The following PRDM16 variants were observed in gnomAD, a reference collection of about 807,000 sequenced individuals.
PRDM16 encodes the protein histone-lysine N-methyltransferase PRDM16.
A neutral mutation model predicts 110.6 loss-of-function variants in PRDM16; 23 were observed. That is an observed-to-expected ratio of 0.21 (90% CI 0.15 to 0.29). The LOEUF is 0.29. PRDM16 is among the 10% of genes least tolerant of loss of function. The pLI is 1.00. For synonymous variants in PRDM16, 799 were observed against 781.8 expected (o/e 1.02, Z -0.37); for missense variants, 1,615 against 1,794.3 (o/e 0.90, Z 1.81).
In PRDM16 at chr1:3,344,439, A is replaced by C. The variant is rs570611766; in HGVS notation, c.439-40713A>C. 7.6e-4 allele frequency among the ~76,000 whole-genome samples: 115 copies of C among 152,228 alleles called. 1 individual carries two copies. Among genetic ancestry groups the C allele is most frequent in the African/African-American group, 2.5e-3 (103 of 41,530 alleles). On this transcript the variant is annotated intron_variant, in intron 3 of 16. Coordinates refer to ENST00000270722, the MANE Select transcript of PRDM16 (RefSeq NM_022114.4). ...GTTGGCATTTCCCCTCTGTTAGTTC[A>C]TTGTGATTACCTTTGCCTTTAAGTC...
intron 1 of PRDM16, among the ~76,000 whole-genome samples, chr1:3,181,309 GTCTTACACACGCAA>G (rs1482624160): frequency 6.5e-4 from 51 of 78,852 alleles, no homozygotes; most frequent in African/African-American, 1.6e-3. Flanking sequence ...CTTACACACG[GTCTTACACACGCAA>G]TCTTACACAA....
intron 3 of PRDM16, among the ~76,000 whole-genome samples, chr1:3,328,694 C>T (rs908056188): frequency 6.6e-6 from 1 of 152,150 alleles, no homozygotes; most frequent in Non-Finnish European, 1.5e-5. Context: ...GGAGACCCCC[C>T]AGGGCTCCAG....
chr1:3,103,859 C>T (rs1034567092), intron 1 of PRDM16, among the ~76,000 whole-genome samples: 4 of 152,154 alleles, frequency 2.6e-5, no homozygotes, highest in African/African-American at 4.8e-5. Context: ...AATTTGCATA[C>T]GGCTACTTAA....
In PRDM16 at chr1:3,432,154, A is replaced by G. The variant is rs1319023301; in HGVS notation, c.3696+14A>G. Reference sequence around the variant, plus strand: ...GCTAAGAACCAGGTAGGTACCCGCCAGAGCCCCTCCCCCACCCCACCTGGC... The same window carrying G: ...GCTAAGAACCAGGTAGGTACCCGCCGGAGCCCCTCCCCCACCCCACCTGGC... On this transcript the variant is annotated intron_variant, in intron 16 of 16. Coordinates refer to ENST00000270722, the MANE Select transcript of PRDM16 (RefSeq NM_022114.4). 1.2e-6 allele frequency: 2 copies of G among 1,609,222 alleles called. No individual in the cohort carries two copies. Among genetic ancestry groups the G allele is most frequent in the Non-Finnish European group, 1.7e-6 (2 of 1,177,102 alleles).
chr1:3,404,677 G>A, intron 6 of PRDM16, 62 bp from the exon 7 acceptor site: 1 of 1,598,670 alleles, frequency 6.3e-7, no homozygotes, highest in Non-Finnish European at 8.5e-7. Context: ...GTATGGTTGG[G>A]GTCCCCTCCC....
chr1:3,424,593 C>T (rs946174881), intron 12 of PRDM16, among the ~76,000 whole-genome samples: 3 of 152,234 alleles, frequency 2.0e-5, no homozygotes, highest in Admixed American at 6.5e-5. Flanking sequence ...AAAGATAAAC[C>T]GAGCCCGGGA....
chr1:3,368,212 C>T (rs762525454), intron 3 of PRDM16, among the ~76,000 whole-genome samples: 1 of 152,234 alleles, frequency 6.6e-6, no homozygotes. Flanking sequence ...AGGCACCTGA[C>T]ATTCATTAGG....
intron 2 of PRDM16, among the ~76,000 whole-genome samples, chr1:3,233,462 G>T (rs1639465352): frequency 6.6e-6 from 1 of 152,216 alleles, no homozygotes; most frequent in South Asian, 2.1e-4. Context: ...ACAGTGAGCG[G>T]AATCTGTCCT....
intron 1 of PRDM16, among the ~76,000 whole-genome samples, chr1:3,071,649 T>C (rs768701458): frequency 1.3e-5 from 2 of 152,198 alleles, no homozygotes; most frequent in Non-Finnish European, 2.9e-5. Flanking sequence ...CCGGGGACCA[T>C]AGTCCATTAC....
At chr1:3,320,423 C>A (rs1641714062) in intron 3 of PRDM16, among the ~76,000 whole-genome samples, 2 of 152,134 alleles carry the variant, frequency 1.3e-5, no homozygotes, top group Non-Finnish European at 2.9e-5. Context: ...GGCTGTGTGC[C>A]CAGGGTTGCC....
intron 1 of PRDM16, among the ~76,000 whole-genome samples, chr1:3,147,842 T>C (rs980344697): frequency 3.3e-5 from 5 of 152,100 alleles, no homozygotes; most frequent in Non-Finnish European, 7.4e-5. Context: ...CTCCAGGCCA[T>C]GGGGCAGGCT....
chr1:3,072,165 G>C (rs1641780377), intron 1 of PRDM16, among the ~76,000 whole-genome samples: 1 of 152,182 alleles, frequency 6.6e-6, no homozygotes, highest in Non-Finnish European at 1.5e-5. Flanking sequence ...AGGGCCGGTG[G>C]GGTAGGGGCT....
intron 3 of PRDM16, among the ~76,000 whole-genome samples, chr1:3,250,726 T>C (rs1172838649): frequency 6.6e-6 from 1 of 152,192 alleles, no homozygotes; most frequent in African/African-American, 2.4e-5. Context: ...GGGAAAGGCA[T>C]TGTTCACACA....
intron 1 of PRDM16, among the ~76,000 whole-genome samples, chr1:3,100,686 C>T (rs761877794): frequency 2.6e-5 from 4 of 152,112 alleles, no homozygotes; most frequent in East Asian, 1.9e-4. Flanking sequence ...GAGCTTTCCC[C>T]GAGTGAGGTT....
chr1:3,134,820 G>A (rs1243001004), intron 1 of PRDM16, among the ~76,000 whole-genome samples: 1 of 152,254 alleles, frequency 6.6e-6, no homozygotes, highest in Admixed American at 6.5e-5. Context: ...GCAAACAGGC[G>A]GCCTTTTGTT....
At chr1:3,360,119 A>T (rs1347035841) in intron 3 of PRDM16, among the ~76,000 whole-genome samples, 5 of 150,296 alleles carry the variant, frequency 3.3e-5, no homozygotes, top group Non-Finnish European at 1.5e-5. Context: ...CGTCCAGGAC[A>T]TGGCGCTGTA....
chr1:3,271,458 A>G (rs1278160520), intron 3 of PRDM16, among the ~76,000 whole-genome samples: 1 of 152,158 alleles, frequency 6.6e-6, no homozygotes, highest in African/African-American at 2.4e-5. Context: ...CATAAAGAAA[A>G]TGGTAGCCCT....
In PRDM16 at chr1:3,402,823, G is replaced by C. The variant is rs764674939; in HGVS notation, c.709G>C (p.Glu237Gln). ...EPTFRCDECD[E>Q]LFQSKLDLRR... Reference sequence around the variant, plus strand: ...CACGTTCCGCTGTGACGAGTGTGACGAACTCTTCCAGTCCAAGCTGGACCT... The same window carrying C: ...CACGTTCCGCTGTGACGAGTGTGACCAACTCTTCCAGTCCAAGCTGGACCT... The change falls in exon 6 of 17, where the codon GAA becomes CAA. Residue 237 changes from glutamate to glutamine, a missense_variant. This residue lies in a region of PRDM16 where 416 missense variants were observed against 467.1 expected (regional missense o/e 0.89). Transcript: ENST00000270722. The C allele has an allele frequency of 1.2e-6, 2 of 1,612,786 alleles. No homozygotes were observed. The highest frequency in any genetic ancestry group is 3.3e-5 in the Admixed American group (2 of 60,016).
Position 3,337,075 on chromosome 1 carries a change from G to A in PRDM16, c.439-48077G>A, listed in dbSNP as rs887266401. Among the ~76,000 whole-genome samples the A allele has an allele frequency of 9.9e-5, 15 of 151,262 alleles. No individual in the cohort carries two copies. The East Asian group carries it at 1.2e-3, about 12-fold the overall frequency. ...CATCTGTTGGTGTGAATCTGTGTGC[G>A]TGTGTGAGCGCATGCATCCACATGA... is the stretch of plus-strand genomic sequence containing the variant. On this transcript the variant is annotated intron_variant, in intron 3 of 16. Coordinates refer to ENST00000270722, the MANE Select transcript of PRDM16 (RefSeq NM_022114.4).
Sources: allele counts gnomAD v4.1 joint callset (sites outside exome capture counted in the v4.1 genomes callset), GRCh38; gene constraint gnomAD v4.1.1; regional missense constraint gnomAD v4.1.1; transcripts MANE v1.5; gene names NCBI Gene and HGNC (gene_info 2026-07-23, HGNC 2026-07-21).